PLD5: variants seen among roughly 807,000 people sequenced by gnomAD.
The protein encoded by PLD5 is inactive phospholipase D5.
Under a neutral mutation model 61.1 loss-of-function variants are expected in PLD5, and 36 were observed. The observed-to-expected ratio is 0.59, with a 90% CI of 0.45 to 0.78. PLD5 has a LOEUF of 0.78. Ranked by LOEUF, PLD5 falls within the 30% of genes least tolerant of loss-of-function variation. The pLI, the probability that PLD5 is intolerant of heterozygous loss-of-function variation, is 0.00. For synonymous variants in PLD5, 243 were observed against 242.8 expected (o/e 1.00, Z -0.01); for missense variants, 515 against 644.4 (o/e 0.80, Z 2.17).
chr1:242,371,979 C>G (rs1164397887), intron 1 of PLD5, among the ~76,000 whole-genome samples: 1 of 151,910 alleles, frequency 6.6e-6, no homozygotes, highest in East Asian at 1.9e-4. Flanking sequence ...AACCCGTCAT[C>G]TATATTAAGT....
chr1:242,311,422 T>C (rs1363603488), intron 2 of PLD5, among the ~76,000 whole-genome samples: 1 of 152,212 alleles, frequency 6.6e-6, no homozygotes, highest in African/African-American at 2.4e-5. Context: ...TGAGAATTTT[T>C]ACTTCCACTT....
chr1:242,200,195 G>A (rs1668896584), intron 5 of PLD5, among the ~76,000 whole-genome samples: 1 of 152,198 alleles, frequency 6.6e-6, no homozygotes, highest in Non-Finnish European at 1.5e-5. Context: ...AGGCACGAGG[G>A]GCTGGCTTAT....
At chr1:242,378,923 CT>C (rs1412718128) in intron 1 of PLD5, among the ~76,000 whole-genome samples, 1 of 152,110 alleles carries the variant, frequency 6.6e-6, no homozygotes, top group African/African-American at 2.4e-5. Flanking sequence ...AAGGTTTGAA[CT>C]TTATCAGCTT....
intron 2 of PLD5, among the ~76,000 whole-genome samples, chr1:242,292,797 A>G (rs1230816173): frequency 2.6e-5 from 4 of 152,346 alleles, no homozygotes; most frequent in South Asian, 2.1e-4. Context: ...AAAGTGTGGT[A>G]GTGACCGGAT....
chr1:242,193,469 A>C (rs1488226543), intron 5 of PLD5, among the ~76,000 whole-genome samples: 1 of 152,156 alleles, frequency 6.6e-6, no homozygotes, highest in Non-Finnish European at 1.5e-5. Context: ...ATGCACAGAG[A>C]GACTTCTCCA....
chr1:242,114,051 T>C (rs1209913591), intron 6 of PLD5, 25 bp from the exon 7 acceptor site: 1 of 1,604,288 alleles, frequency 6.2e-7, no homozygotes, highest in Non-Finnish European at 8.5e-7. Context: ...AAGCCAAACT[T>C]TTAGCGTACT....
At chr1:242,326,028 C>T (rs1377803454) in intron 2 of PLD5, among the ~76,000 whole-genome samples, 2 of 152,128 alleles carry the variant, frequency 1.3e-5, no homozygotes, top group Admixed American at 6.5e-5. Flanking sequence ...GTTGGGACTA[C>T]AGGCATGTGT....
intron 9 of PLD5, among the ~76,000 whole-genome samples, chr1:242,091,229 G>T (rs895212750): frequency 1.2e-4 from 19 of 152,146 alleles, no homozygotes; most frequent in African/African-American, 4.3e-4. Flanking sequence ...ACATTCTGAG[G>T]TACTGGGGGT....
At chr1:242,145,663 G>A (rs111510642) in intron 5 of PLD5, among the ~76,000 whole-genome samples, 1 of 152,254 alleles carries the variant, frequency 6.6e-6, no homozygotes, top group African/African-American at 2.4e-5. Context: ...CCAACAGGAA[G>A]TCTCATAAAA....
chr1:242,511,296 T>A (rs957942293), intron 1 of PLD5, among the ~76,000 whole-genome samples: 5 of 152,202 alleles, frequency 3.3e-5, no homozygotes, highest in Admixed American at 6.5e-5. Context: ...AATAGACTAA[T>A]CTTCCTTACA....
At chr1:242,234,969 A>G (rs1350664246) in intron 4 of PLD5, among the ~76,000 whole-genome samples, 2 of 152,104 alleles carry the variant, frequency 1.3e-5, no homozygotes, top group African/African-American at 2.4e-5. Context: ...GTCCCTGTAC[A>G]AACCTGTGCC....
chr1:242,388,804 A>T (rs1014504310), intron 1 of PLD5, among the ~76,000 whole-genome samples: 19 of 151,970 alleles, frequency 1.3e-4, no homozygotes, highest in African/African-American at 3.4e-4. Flanking sequence ...AAAAATACAA[A>T]AATTAACTGG....
chr1:242,116,644 C>T (rs1395391653), intron 6 of PLD5, among the ~76,000 whole-genome samples: 1 of 151,482 alleles, frequency 6.6e-6, no homozygotes, highest in Non-Finnish European at 1.5e-5. Flanking sequence ...TTACCTCCCA[C>T]TTATAAGTGA....
intron 1 of PLD5, among the ~76,000 whole-genome samples, chr1:242,450,057 G>C (rs1189127619): frequency 2.0e-5 from 3 of 152,316 alleles, no homozygotes; most frequent in Non-Finnish European, 4.4e-5. Context: ...AGGGACCATG[G>C]CTTCTCAGAT....
rs1659650697 is a variant in PLD5, at chr1:242,089,576, G to A, written c.*278C>T. 1 of 539,290 alleles carries A rather than the reference G, an allele frequency of 1.9e-6. No homozygotes were observed. The highest frequency in any genetic ancestry group is 1.9e-5 in the African/African-American group (1 of 52,734). The allele number at this position is 539,290 out of a possible 1,614,324, so 33.4% of individuals were successfully genotyped here. A position where few individuals can be genotyped will look rare whatever the true frequency, so the allele number is the denominator to read the frequency against. ...GAAAAAGTTCTAAAACTAGAAAGGA[G>A]CAGGAATGAAAGTCTTAAAATTTGT... On this transcript the variant is annotated 3_prime_UTR_variant, in exon 10 of 10. Transcript: ENST00000536534.
chr1:242,523,950 A>C, intron 1 of PLD5, 138 bp downstream of exon 1: 2 of 950,182 alleles, frequency 2.1e-6, no homozygotes, highest in Non-Finnish European at 3.0e-6. Context: ...GAAGCCCCCG[A>C]ATCCGACCTA....
intron 3 of PLD5, among the ~76,000 whole-genome samples, chr1:242,280,732 C>T (rs2149126867): frequency 6.6e-6 from 1 of 152,176 alleles, no homozygotes; most frequent in Admixed American, 6.5e-5. Context: ...ATGTTATTTT[C>T]TTGGGTTAAA....
At chr1:242,181,955 A>G (rs535257299) in intron 5 of PLD5, among the ~76,000 whole-genome samples, 1 of 152,310 alleles carries the variant, frequency 6.6e-6, no homozygotes, top group East Asian at 1.9e-4. Context: ...GTGGTCCTTC[A>G]CTGTAGAAAA....
At chr1:242,146,268 A>T (rs886242189) in intron 5 of PLD5, among the ~76,000 whole-genome samples, 3 of 152,198 alleles carry the variant, frequency 2.0e-5, no homozygotes, top group African/African-American at 7.2e-5. Flanking sequence ...CTCTTCACTC[A>T]GTTTTTAGCA....
Sources: allele counts gnomAD v4.1 joint callset (sites outside exome capture counted in the v4.1 genomes callset), GRCh38; gene constraint gnomAD v4.1.1; transcripts MANE v1.5; gene names NCBI Gene and HGNC (gene_info 2026-07-23, HGNC 2026-07-21).